NRXN3: variants seen among roughly 807,000 people sequenced by gnomAD.
The protein encoded by NRXN3 is neurexin 3.
NRXN3 carries 32 observed loss-of-function variants against 137.6 expected under a neutral mutation model. That is an observed-to-expected ratio of 0.23 (90% CI 0.18 to 0.31). The LOEUF is 0.31. Among genes scored for constraint, NRXN3 ranks in the 10% least tolerant of loss-of-function variants. The pLI is 1.00. For synonymous variants in NRXN3, 798 were observed against 784.5 expected (o/e 1.02, Z -0.29); for missense variants, 1,574 against 2,062.5 (o/e 0.76, Z 4.59).
At chr14:79,334,052 GC>G (rs2092031796) in intron 15 of NRXN3, among the ~76,000 whole-genome samples, 1 of 152,152 alleles carries the variant, frequency 6.6e-6, no homozygotes, top group South Asian at 2.1e-4. Context: ...GTAAAGTAGT[GC>G]AATCATTCGT....
intron 6 of NRXN3, among the ~76,000 whole-genome samples, chr14:78,677,189 TC>T (rs2098017012): frequency 6.6e-6 from 1 of 152,152 alleles, no homozygotes; most frequent in Non-Finnish European, 1.5e-5. Context: ...GATAGTGATT[TC>T]TCTGATGGAT....
At chr14:78,318,955 G>A (rs188611257) in intron 4 of NRXN3, among the ~76,000 whole-genome samples, 32 of 152,348 alleles carry the variant, frequency 2.1e-4, no homozygotes, top group Admixed American at 5.9e-4. Context: ...CAGGTTCTGC[G>A]TGGGGAGGGT....
At chr14:79,191,963 T>C (rs1197360887) in intron 15 of NRXN3, among the ~76,000 whole-genome samples, 1 of 151,874 alleles carries the variant, frequency 6.6e-6, no homozygotes, top group African/African-American at 2.4e-5. Context: ...GAAACGACAG[T>C]GCTTACTAGA....
intron 6 of NRXN3, among the ~76,000 whole-genome samples, chr14:78,692,158 A>G (rs961026588): frequency 2.0e-5 from 3 of 152,200 alleles, no homozygotes; most frequent in Non-Finnish European, 4.4e-5. Flanking sequence ...ACCTAATACT[A>G]CCTGCTTCCA....
intron 17 of NRXN3, among the ~76,000 whole-genome samples, chr14:79,665,652 T>A (rs2098554053): frequency 6.6e-6 from 1 of 152,232 alleles, no homozygotes; most frequent in South Asian, 2.1e-4. Context: ...TTTCAAAGAT[T>A]TCTAAATTGA....
chr14:79,414,708 T>G (rs759145316), intron 15 of NRXN3, among the ~76,000 whole-genome samples: 2 of 152,018 alleles, frequency 1.3e-5, no homozygotes, highest in African/African-American at 2.4e-5. Context: ...GTGTGTGTGT[T>G]TGTGTGTGTT....
chr14:78,618,523 C>T (rs75769649), intron 4 of NRXN3, among the ~76,000 whole-genome samples: 1,595 of 152,250 alleles, frequency 0.01, 27 homozygotes, highest in African/African-American at 0.037. Flanking sequence ...TTACATGCAG[C>T]GCAGTCACCG....
intron 4 of NRXN3, among the ~76,000 whole-genome samples, chr14:78,531,452 A>G (rs1339736736): frequency 6.6e-6 from 1 of 152,202 alleles, no homozygotes; most frequent in Non-Finnish European, 1.5e-5. Flanking sequence ...AGGAGCTGAA[A>G]TTTTACCTGA....
chr14:78,646,824 A>G (rs1448437813), intron 5 of NRXN3, among the ~76,000 whole-genome samples: 1 of 152,164 alleles, frequency 6.6e-6, no homozygotes, highest in Admixed American at 6.5e-5. Context: ...GTCATTCCTC[A>G]TCCATACTTA....
chr14:78,846,296 G>A (rs2099026712), intron 10 of NRXN3, among the ~76,000 whole-genome samples: 1 of 152,058 alleles, frequency 6.6e-6, no homozygotes, highest in African/African-American at 2.4e-5. Flanking sequence ...GACAGGAATT[G>A]GAAAAGGGTC....
rs1480488081 is a variant in NRXN3, at chr14:78,323,318, G to C, written c.757+25458G>C. Reference sequence around the variant, plus strand: ...AGGAGGTGAGTTGGGAAAGAATGAAGAGAGACCTAAAATCAAAGTGCCCTG... The same window carrying C: ...AGGAGGTGAGTTGGGAAAGAATGAACAGAGACCTAAAATCAAAGTGCCCTG... On this transcript the variant is annotated intron_variant, in intron 4 of 20. Coordinates refer to ENST00000335750, the MANE Select transcript of NRXN3 (RefSeq NM_001330195.2). 1.3e-5 allele frequency among the ~76,000 whole-genome samples: 2 copies of C among 151,930 alleles called. 1 individual carries two copies. The highest frequency in any genetic ancestry group is 4.8e-5 in the African/African-American group (2 of 41,262).
intron 1 of NRXN3, among the ~76,000 whole-genome samples, chr14:78,226,017 G>T (rs866253036): frequency 1.4e-5 from 2 of 141,230 alleles, no homozygotes; most frequent in South Asian, 2.3e-4. Context: ...GTGTGTGTGT[G>T]TTTTGAGATG....
rs1383116275 is a variant in NRXN3 at position 79,259,124 on chromosome 14, G to A, written c.3263-208097G>A. ...AGAGGCAGCTATACAGGGGAGAATCGCAACCTGTGTAGTCACCATGTGACC... is the reference window on the plus strand; with the variant it reads ...AGAGGCAGCTATACAGGGGAGAATCACAACCTGTGTAGTCACCATGTGACC... On this transcript the variant is annotated intron_variant, in intron 15 of 20. Coordinates refer to ENST00000335750, the MANE Select transcript of NRXN3 (RefSeq NM_001330195.2). 3.3e-5 allele frequency among the ~76,000 whole-genome samples: 5 copies of A among 152,122 alleles called. No homozygotes were observed. In the South Asian group the frequency reaches 6.2e-4, roughly 19 times the overall value.
chr14:79,500,490 A>G (rs1158194154), intron 16 of NRXN3, among the ~76,000 whole-genome samples: 2 of 152,198 alleles, frequency 1.3e-5, no homozygotes, highest in Non-Finnish European at 2.9e-5. Flanking sequence ...AGTTAAAATT[A>G]TTAACTATTA....
chr14:79,257,648 A>G (rs1205717567), intron 15 of NRXN3, among the ~76,000 whole-genome samples: 1 of 146,946 alleles, frequency 6.8e-6, no homozygotes, highest in Non-Finnish European at 1.5e-5. Flanking sequence ...GCTGCCTCAC[A>G]GAAACTTTTA....
In NRXN3 at chr14:79,088,009, A is replaced by T. The variant is rs371676291; in HGVS notation, c.3262+99868A>T. ...TGGAGCAACGTCAGAATGATTGGAAATTGCTCAAAGCTCACAATGGTACTT... is the reference window on the plus strand; with the variant it reads ...TGGAGCAACGTCAGAATGATTGGAATTTGCTCAAAGCTCACAATGGTACTT... On this transcript the variant is annotated intron_variant, in intron 15 of 20. Coordinates refer to ENST00000335750, the MANE Select transcript of NRXN3 (RefSeq NM_001330195.2). Among the ~76,000 whole-genome samples, 12 of 140,186 alleles carry T rather than the reference A, an allele frequency of 8.6e-5. No homozygotes were observed. The East Asian group carries it at 2.3e-3, about 27-fold the overall frequency. The allele number at this position is 140,186 out of a possible 152,430, so 92.0% of individuals were successfully genotyped here. A position where few individuals can be genotyped will look rare whatever the true frequency, so the allele number is the denominator to read the frequency against.
intron 15 of NRXN3, among the ~76,000 whole-genome samples, chr14:79,397,971 C>A (rs1322463069): frequency 6.6e-6 from 1 of 152,184 alleles, no homozygotes; most frequent in Non-Finnish European, 1.5e-5. Context: ...AGTCTGATTT[C>A]AGTTTACAGA....
intron 20 of NRXN3, among the ~76,000 whole-genome samples, chr14:79,819,273 G>GATT (rs2065271885): frequency 6.6e-6 from 1 of 152,072 alleles, no homozygotes; most frequent in Non-Finnish European, 1.5e-5. Context: ...CATGAAAGTT[G>GATT]ATTTCCAAAA....
At chr14:78,940,923 G>T (rs1235762555) in intron 10 of NRXN3, among the ~76,000 whole-genome samples, 4 of 152,234 alleles carry the variant, frequency 2.6e-5, no homozygotes, top group Middle Eastern at 6.8e-3. Flanking sequence ...CTGCATAAAT[G>T]GTAGCTAGGA....
Sources: allele counts gnomAD v4.1 joint callset (sites outside exome capture counted in the v4.1 genomes callset), GRCh38; gene constraint gnomAD v4.1.1; transcripts MANE v1.5; gene names NCBI Gene and HGNC (gene_info 2026-07-23, HGNC 2026-07-21).